The following RP1 variants were observed in gnomAD, a reference collection of about 807,000 sequenced individuals.
RP1 encodes RP1 axonemal microtubule associated.
RP1 carries 16 observed loss-of-function variants against 14.8 expected under a neutral mutation model. That is an observed-to-expected ratio of 1.08 (90% CI 0.73 to 1.65). RP1 has a LOEUF of 1.65. RP1 is among the 40% of genes most tolerant of loss of function. The pLI is 0.00. For missense variants in RP1, 2,631 were observed against 2,535.0 expected (o/e 1.04, Z -0.81); for synonymous variants, 876 against 883.6 (o/e 0.99, Z 0.15).
chr8:54,693,559 T>A (rs543603934), intron 12 of RP1, among the ~76,000 whole-genome samples: 1 of 152,332 alleles, frequency 6.6e-6, no homozygotes, highest in South Asian at 2.1e-4. Context: ...AATTCCTAGA[T>A]ATTTTATTCT....
chr8:54,654,758 C>T (rs1806721477), intron 5 of RP1, among the ~76,000 whole-genome samples: 1 of 152,142 alleles, frequency 6.6e-6, no homozygotes, highest in African/African-American at 2.4e-5. Context: ...AGCGATCCTC[C>T]CACCTCAGCC....
At chr8:54,660,358 T>C (rs1585586997) in intron 6 of RP1, among the ~76,000 whole-genome samples, 1 of 152,226 alleles carries the variant, frequency 6.6e-6, no homozygotes, top group Admixed American at 6.5e-5. Context: ...TTTCCTTCTT[T>C]TCCTAGTTTG....
At chr8:54,577,955 T>A (rs1474476019) in intron 1 of RP1, among the ~76,000 whole-genome samples, 5 of 151,944 alleles carry the variant, frequency 3.3e-5, no homozygotes, top group African/African-American at 7.2e-5. Context: ...TTCTTTTTTT[T>A]TTATTATTAT....
chr8:54,634,517 C>T (rs558837446), downstream of RP1, among the ~76,000 whole-genome samples: 3 of 152,246 alleles, frequency 2.0e-5, no homozygotes, highest in African/African-American at 7.2e-5. Flanking sequence ...CTTGATAAGG[C>T]ACTTAGTAAT....
rs540666440 is a variant in RP1 at position 54,827,610 on chromosome 8, G to A, written c.3616-9840G>A. 9.2e-5 allele frequency among the ~76,000 whole-genome samples: 14 copies of A among 152,272 alleles called. No individual in the cohort carries two copies. The South Asian group carries it at 2.1e-3, about 23-fold the overall frequency. On this transcript the variant is annotated intron_variant, in intron 24 of 28. Coordinates refer to the RP1 transcript ENST00000637698. ...CTCGCAAAGTGCTGGGATTACAGGC[G>A]TGAGCCACTGTGCCAGGCTACATTT...
intron 22 of RP1, chr8:54,769,706 T>G: frequency 1.5e-6 from 2 of 1,330,140 alleles, no homozygotes; most frequent in Non-Finnish European, 2.1e-6. Context: ...TATTTTCTCC[T>G]CTCTCTTTCT....
chr8:54,623,545 G>A (rs948485992), intron 3 of RP1, among the ~76,000 whole-genome samples: 2 of 151,634 alleles, frequency 1.3e-5, no homozygotes, highest in Middle Eastern at 3.4e-3. Flanking sequence ...GTGATCACCC[G>A]CCTCAGCCTC....
intron 1 of RP1, among the ~76,000 whole-genome samples, chr8:54,572,845 C>T (rs988707364): frequency 6.6e-6 from 1 of 152,138 alleles, no homozygotes; most frequent in Non-Finnish European, 1.5e-5. Context: ...TTAGAATTTG[C>T]ATGGGTTGAA....
At chr8:54,747,332 G>A (rs1442841657) in intron 19 of RP1, among the ~76,000 whole-genome samples, 1 of 152,130 alleles carries the variant, frequency 6.6e-6, no homozygotes, top group African/African-American at 2.4e-5. Context: ...TGCTTTAGAG[G>A]TCCTTTGCTA....
In RP1 at chr8:54,671,636, A is replaced by G. The variant is rs939502737; in HGVS notation, c.1324-2214A>G. Among the ~76,000 whole-genome samples, 11 of 152,022 alleles carry G rather than the reference A, an allele frequency of 7.2e-5. No homozygotes were observed. The South Asian group carries it at 2.3e-3, about 32-fold the overall frequency. On this transcript the variant is annotated intron_variant, in intron 7 of 22. Coordinates refer to the RP1 transcript ENST00000636932. ...TTAAACCCCATTAGTGAATTTTTCA[A>G]TTCACTAATTATATTAACAGCTGTA...
At chr8:54,668,624 T>A (rs1469535712) in intron 7 of RP1, among the ~76,000 whole-genome samples, 2 of 152,134 alleles carry the variant, frequency 1.3e-5, no homozygotes, top group Non-Finnish European at 2.9e-5. Flanking sequence ...GACTTCAAAC[T>A]ATACTACAAG....
intron 24 of RP1, among the ~76,000 whole-genome samples, chr8:54,791,296 A>T (rs971955755): frequency 6.6e-6 from 1 of 152,166 alleles, no homozygotes; most frequent in African/African-American, 2.4e-5. Context: ...TCCCAAAGTG[A>T]TGAAGGAGTT....
At chr8:54,607,872 C>T (rs953861051) in intron 1 of RP1, among the ~76,000 whole-genome samples, 1 of 152,134 alleles carries the variant, frequency 6.6e-6, no homozygotes, top group Admixed American at 6.5e-5. Flanking sequence ...CCTGGTGTGC[C>T]ATTTGCTAAG....
intron 1 of RP1, among the ~76,000 whole-genome samples, chr8:54,563,984 T>A (rs1167739048): frequency 6.6e-6 from 1 of 152,152 alleles, no homozygotes; most frequent in Non-Finnish European, 1.5e-5. Flanking sequence ...GAAATGTGAG[T>A]AAACTCATCC....
At chr8:54,577,046 T>C (rs559262795) in intron 1 of RP1, among the ~76,000 whole-genome samples, 1 of 152,280 alleles carries the variant, frequency 6.6e-6, no homozygotes, top group Admixed American at 6.5e-5. Context: ...GAGATGGTGT[T>C]TCACACTGTC....
intron 1 of RP1, among the ~76,000 whole-genome samples, chr8:54,598,027 T>C (rs531487494): frequency 3.3e-5 from 5 of 152,256 alleles, no homozygotes; most frequent in African/African-American, 9.6e-5. Flanking sequence ...CCCCGCACTA[T>C]CGTTAACCCC....
intron 3 of RP1, among the ~76,000 whole-genome samples, chr8:54,642,909 G>T (rs1202802181): frequency 1.3e-5 from 2 of 152,002 alleles, no homozygotes; most frequent in African/African-American, 4.8e-5. Context: ...TTGTCACTCT[G>T]ATAGATGAAA....
At chr8:54,583,625 G>C (rs983046197) in intron 1 of RP1, among the ~76,000 whole-genome samples, 1 of 152,104 alleles carries the variant, frequency 6.6e-6, no homozygotes, top group Non-Finnish European at 1.5e-5. Context: ...GAATCCATCT[G>C]GTCCTGTACT....
intron 19 of RP1, among the ~76,000 whole-genome samples, chr8:54,744,316 G>A (rs1034107689): frequency 1.3e-5 from 2 of 152,166 alleles, no homozygotes; most frequent in Non-Finnish European, 2.9e-5. Context: ...ACTCAAAAGG[G>A]GAAGAGGGCA....
Sources: gnomAD v4.1 joint callset for allele counts (sites outside exome capture counted in the v4.1 genomes callset) on GRCh38, gnomAD v4.1.1 for gene constraint, MANE v1.5 for transcripts, NCBI Gene and HGNC (gene_info 2026-07-23, HGNC 2026-07-21) for gene names.